Variants in CTNND2 observed in about 807,000 individuals in gnomAD.
CTNND2 encodes the protein catenin delta 2.
CTNND2 carries 22 observed loss-of-function variants against 144.4 expected under a neutral mutation model. That is an observed-to-expected ratio of 0.15 (90% CI 0.11 to 0.22). The LOEUF is 0.22. Among genes scored for constraint, CTNND2 ranks in the 10% least tolerant of loss-of-function variants. CTNND2 has a pLI of 1.00. For missense variants in CTNND2, 1,353 were observed against 1,618.8 expected (o/e 0.84, Z 2.82); for synonymous variants, 751 against 695.6 (o/e 1.08, Z -1.25).
chr5:11,177,342 T>C (rs1760575164), intron 11 of CTNND2, among the ~76,000 whole-genome samples: 1 of 152,190 alleles, frequency 6.6e-6, no homozygotes, highest in African/African-American at 2.4e-5. Flanking sequence ...ATTCAAGGCA[T>C]TTGGTTTTCA....
chr5:11,104,158 G>A (rs2149674942), intron 14 of CTNND2, among the ~76,000 whole-genome samples: 1 of 152,320 alleles, frequency 6.6e-6, no homozygotes, highest in Middle Eastern at 3.4e-3. Context: ...TAATTAGGGA[G>A]CATCACAGTC....
intron 3 of CTNND2, among the ~76,000 whole-genome samples, chr5:11,511,280 T>C (rs375198843): frequency 1.4e-4 from 22 of 152,224 alleles, no homozygotes; most frequent in African/African-American, 5.3e-4. Context: ...TTGGTTTCTA[T>C]CTGTAGTAGG....
At chr5:11,437,703 G>C (rs1763893655) in intron 3 of CTNND2, among the ~76,000 whole-genome samples, 1 of 152,194 alleles carries the variant, frequency 6.6e-6, no homozygotes, top group South Asian at 2.1e-4. Context: ...GAGCAAAGGA[G>C]GTGTCTTCAA....
chr5:11,310,483 A>G (rs1404214309), intron 9 of CTNND2, among the ~76,000 whole-genome samples: 1 of 151,914 alleles, frequency 6.6e-6, no homozygotes, highest in East Asian at 1.9e-4. Context: ...TCACAGATCT[A>G]TCCCTTCACT....
In CTNND2 at chr5:11,174,944, C is replaced by A. The variant is rs145160106; in HGVS notation, c.1976-15185G>T. ...TAAAATTACAAAACTGATAAACTGG[C>A]TTTTCAAGATATTATTGAATATGCT... On this transcript the variant is annotated intron_variant, in intron 11 of 21. Transcript: ENST00000304623. Among the ~76,000 whole-genome samples, 598 of 152,312 alleles carry A rather than the reference C, an allele frequency of 3.9e-3. 5 individuals carry two copies. Among genetic ancestry groups the A allele is most frequent in the Middle Eastern group, 0.024 (7 of 294 alleles).
intron 16 of CTNND2, among the ~76,000 whole-genome samples, chr5:11,050,690 C>T (rs944898287): frequency 6.6e-6 from 1 of 152,216 alleles, no homozygotes. Context: ...ACTCAGGAAG[C>T]AAGCCTGCTA....
chr5:11,861,059 T>C (rs1160096360), intron 1 of CTNND2, among the ~76,000 whole-genome samples: 1 of 152,226 alleles, frequency 6.6e-6, no homozygotes, highest in East Asian at 1.9e-4. Flanking sequence ...CTATAGAAAA[T>C]GACTTGAACA....
chr5:11,002,689 C>T (rs1740078796), intron 18 of CTNND2, among the ~76,000 whole-genome samples: 1 of 152,130 alleles, frequency 6.6e-6, no homozygotes, highest in African/African-American at 2.4e-5. Context: ...GGCTTCTGAC[C>T]CTGCTCCTGG....
At chr5:11,760,866 A>G (rs1028281497) in intron 1 of CTNND2, among the ~76,000 whole-genome samples, 3 of 152,138 alleles carry the variant, frequency 2.0e-5, no homozygotes, top group Admixed American at 1.3e-4. Context: ...AAGAGTTTTT[A>G]CCAACCATGG....
intron 3 of CTNND2, among the ~76,000 whole-genome samples, chr5:11,504,951 C>A (rs1770879742): frequency 6.6e-6 from 1 of 152,104 alleles, no homozygotes; most frequent in South Asian, 2.1e-4. Flanking sequence ...AGAGACCCCA[C>A]ATGGCCTCCT....
At chr5:11,408,048 G>A (rs1761230915) in intron 5 of CTNND2, among the ~76,000 whole-genome samples, 1 of 152,020 alleles carries the variant, frequency 6.6e-6, no homozygotes, top group South Asian at 2.1e-4. Flanking sequence ...TTGATTCCCC[G>A]CTTGCTGCTA....
chr5:11,515,217 C>T (rs1364984872), intron 3 of CTNND2, among the ~76,000 whole-genome samples: 1 of 151,698 alleles, frequency 6.6e-6, no homozygotes, highest in Non-Finnish European at 1.5e-5. Context: ...GGGGGTAATA[C>T]TTCAGTGATT....
chr5:11,766,341 A>T (rs1443657328), intron 1 of CTNND2, among the ~76,000 whole-genome samples: 1 of 152,160 alleles, frequency 6.6e-6, no homozygotes. Flanking sequence ...CCCAAATCTC[A>T]TCTTGAATTT....
At chr5:11,024,616 T>C (rs917289971) in intron 16 of CTNND2, among the ~76,000 whole-genome samples, 5 of 152,180 alleles carry the variant, frequency 3.3e-5, no homozygotes, top group Non-Finnish European at 7.3e-5. Flanking sequence ...GAAAAAATAC[T>C]CCAGTCATTG....
chr5:11,771,544 T>G (rs562536763), intron 1 of CTNND2, among the ~76,000 whole-genome samples: 5 of 152,314 alleles, frequency 3.3e-5, no homozygotes, highest in East Asian at 1.9e-4. Context: ...AAATGAGAGA[T>G]ATATTTTTTC....
intron 3 of CTNND2, among the ~76,000 whole-genome samples, chr5:11,433,208 T>C (rs888561851): frequency 7.2e-6 from 1 of 138,846 alleles, no homozygotes; most frequent in Admixed American, 6.8e-5. Flanking sequence ...ATCACGCCAC[T>C]GCACTCCAGC....
intron 1 of CTNND2, among the ~76,000 whole-genome samples, chr5:11,858,802 G>A (rs1401543279): frequency 1.3e-5 from 2 of 152,232 alleles, no homozygotes; most frequent in Admixed American, 6.5e-5. Context: ...GGTGGCGGGT[G>A]CCTGTAGCCC....
chr5:11,616,591 C>A (rs1238253866), intron 2 of CTNND2, among the ~76,000 whole-genome samples: 4 of 150,260 alleles, frequency 2.7e-5, no homozygotes, highest in Non-Finnish European at 5.9e-5. Context: ...CTTCCCCTTC[C>A]TTCCTTCCTT....
intron 9 of CTNND2, among the ~76,000 whole-genome samples, chr5:11,339,391 A>G (rs1042604258): frequency 5.3e-5 from 8 of 152,174 alleles, no homozygotes; most frequent in East Asian, 1.9e-4. Context: ...TGACAAAAGC[A>G]GTACCGCGGG....
Sources: gnomAD v4.1 joint callset for allele counts (sites outside exome capture counted in the v4.1 genomes callset) on GRCh38, gnomAD v4.1.1 for gene constraint, MANE v1.5 for transcripts, NCBI Gene and HGNC (gene_info 2026-07-23, HGNC 2026-07-21) for gene names.